The following PAFAH2 variants were observed in gnomAD, a reference collection of about 807,000 sequenced individuals.
PAFAH2 encodes platelet activating factor acetylhydrolase 2, also known as platelet-activating factor acetylhydrolase 2, cytoplasmic.
PAFAH2 carries 42 observed loss-of-function variants against 49.0 expected under a neutral mutation model. The ratio of observed to expected loss-of-function variants is 0.86; its 90% CI spans 0.67 to 1.11. PAFAH2 has a LOEUF of 1.11. Ranked by LOEUF, PAFAH2 falls within the 50% of genes least tolerant of loss-of-function variation. PAFAH2 has a pLI of 0.00. For missense variants in PAFAH2, 503 were observed against 501.8 expected (o/e 1.00, Z -0.02); for synonymous variants, 184 against 181.3 (o/e 1.01, Z -0.12).
intron 4 of PAFAH2, among the ~76,000 whole-genome samples, chr1:25,986,429 G>A (rs2049782297): frequency 1.3e-5 from 2 of 152,126 alleles, no homozygotes; most frequent in Admixed American, 6.5e-5. Flanking sequence ...TGTCTGGAGA[G>A]CTACACTGGG....
intron 7 of PAFAH2, among the ~76,000 whole-genome samples, chr1:25,979,827 C>T (rs567297768): frequency 1.5e-4 from 23 of 152,112 alleles, no homozygotes; most frequent in African/African-American, 4.8e-4. Flanking sequence ...GGTTTCGCCA[C>T]GTTGGCCAGG....
rs17163464 is a variant in PAFAH2, at chr1:25,996,819, T to C, written c.-48+1206A>G. On this transcript the variant is annotated intron_variant, in intron 1 of 10. Transcript: ENST00000374282. ...ATACTTCGTAAGTGAAAATATTGCC[T>C]AGGGCCTGGTGCATTTTCAGTGCTT... 2.0e-3 allele frequency among the ~76,000 whole-genome samples: 309 copies of C among 152,334 alleles called. 5 individuals carry two copies. In the East Asian group the frequency reaches 0.028, roughly 14 times the overall value.
chr1:25,983,046 C>T (rs896242755), intron 6 of PAFAH2, among the ~76,000 whole-genome samples: 1 of 152,118 alleles, frequency 6.6e-6, no homozygotes, highest in Non-Finnish European at 1.5e-5. Flanking sequence ...AAACACAGTC[C>T]TATTCTCATA....
At chr1:25,987,250 A>G (rs980510772) in intron 4 of PAFAH2, among the ~76,000 whole-genome samples, 1 of 140,620 alleles carries the variant, frequency 7.1e-6, no homozygotes, top group African/African-American at 2.7e-5. Flanking sequence ...AATAAAATAA[A>G]ATAAAATAAA....
chr1:25,967,047 A>G (rs2049436408), intron 10 of PAFAH2, among the ~76,000 whole-genome samples: 1 of 151,346 alleles, frequency 6.6e-6, no homozygotes, highest in Non-Finnish European at 1.5e-5. Flanking sequence ...AAAAAAAAAA[A>G]AAAGACTGTG....
intron 10 of PAFAH2, among the ~76,000 whole-genome samples, chr1:25,964,533 CTG>C (rs1040227197): frequency 3.9e-5 from 6 of 152,130 alleles, no homozygotes; most frequent in African/African-American, 7.2e-5. Flanking sequence ...AAGTGAGACA[CTG>C]TCTCTATAAA....
intron 8 of PAFAH2, among the ~76,000 whole-genome samples, chr1:25,975,779 T>C (rs2049579313): frequency 6.6e-6 from 1 of 152,206 alleles, no homozygotes; most frequent in Admixed American, 6.5e-5. Flanking sequence ...TTCAGTCTTG[T>C]CCTGCTACAA....
At chr1:25,996,440 C>A (rs2049937864) in intron 1 of PAFAH2, among the ~76,000 whole-genome samples, 1 of 151,880 alleles carries the variant, frequency 6.6e-6, no homozygotes, top group South Asian at 2.1e-4. Context: ...GAGATCGAGA[C>A]CATCCTGGCT....
intron 7 of PAFAH2, among the ~76,000 whole-genome samples, chr1:25,978,152 C>CT (rs1458524777): frequency 6.6e-6 from 1 of 152,134 alleles, no homozygotes; most frequent in Admixed American, 6.5e-5. Flanking sequence ...AATCCTCCCC[C>CT]TTCACTCAGT....
At chr1:25,975,967 T>C (rs998925367) in intron 8 of PAFAH2, among the ~76,000 whole-genome samples, 4 of 151,914 alleles carry the variant, frequency 2.6e-5, no homozygotes, top group Non-Finnish European at 5.9e-5. Context: ...TTAAATTGCC[T>C]CCCCCTCACT....
At chr1:25,994,033 C>A (rs2049907617) in intron 1 of PAFAH2, among the ~76,000 whole-genome samples, 1 of 152,048 alleles carries the variant, frequency 6.6e-6, no homozygotes, top group African/African-American at 2.4e-5. Flanking sequence ...GAGGAGCAGT[C>A]CCTCAAGTGC....
At chr1:25,990,070 T>G (rs956049636) in intron 2 of PAFAH2, among the ~76,000 whole-genome samples, 6 of 151,988 alleles carry the variant, frequency 3.9e-5, no homozygotes, top group African/African-American at 1.5e-4. Flanking sequence ...TGTGTGCCTC[T>G]CAAGGGAGAC....
chr1:25,997,864 G>A (rs2049957984), intron 1 of PAFAH2, among the ~76,000 whole-genome samples, 161 bp downstream of exon 1: 1 of 152,180 alleles, frequency 6.6e-6, no homozygotes, highest in African/African-American at 2.4e-5. Flanking sequence ...GGAGGGTCAA[G>A]GGAGCGGGTG....
chr1:25,972,620 TCC>T lies in PAFAH2; in HGVS notation c.1020_1021del (p.Asp341ProfsTer3). The T allele has an allele frequency of 2.5e-6, 4 of 1,613,806 alleles. No individual in the cohort carries two copies. Among genetic ancestry groups the T allele is most frequent in the Non-Finnish European group, 3.4e-6 (4 of 1,179,848 alleles). On this transcript the variant is annotated frameshift_variant, in exon 10 of 11. Coordinates refer to ENST00000374282, the MANE Select transcript of PAFAH2 (RefSeq NM_000437.4). LOFTEE classifies it high-confidence loss of function. ...CATAACCTCCTGCCCTTCATAGGGG[TCC>T]AGGCTCCCACGGGTTTCAGTGGAGA...
chr1:25,992,716 G>T (rs1329722715), intron 1 of PAFAH2, among the ~76,000 whole-genome samples: 1 of 152,222 alleles, frequency 6.6e-6, no homozygotes, highest in African/African-American at 2.4e-5. Flanking sequence ...GTTGTAACAT[G>T]AGAATGTCAA....
In PAFAH2 at chr1:25,986,498, A is replaced by G. The variant is rs1231151767; in HGVS notation, c.341+1733T>C. On this transcript the variant is annotated intron_variant, in intron 4 of 10. Coordinates refer to ENST00000374282, the MANE Select transcript of PAFAH2 (RefSeq NM_000437.4). ...CTTGGACCTGCATTGAGGTAAGACC[A>G]TGAAAAGAACTGAATTAGGTTCAAA... 5.3e-5 allele frequency among the ~76,000 whole-genome samples: 8 copies of G among 152,218 alleles called. 1 individual carries two copies. Among genetic ancestry groups the G allele is most frequent in the African/African-American group, 2.4e-5 (1 of 41,454 alleles).
At chr1:25,996,879 C>A (rs3008423) in intron 1 of PAFAH2, among the ~76,000 whole-genome samples, 33,243 of 152,200 alleles carry the variant, frequency 0.22, 3,892 homozygotes, top group African/African-American at 0.29. Context: ...AATGCTATGT[C>A]TCTCTTTCCT....
At chr1:25,984,394 T>A in intron 5 of PAFAH2, 66 bp downstream of exon 5, 1 of 1,180,764 alleles carries the variant, frequency 8.5e-7, no homozygotes, top group African/African-American at 1.5e-5. Flanking sequence ...AATAGTACAT[T>A]GATAGGGGAC....
At chr1:25,984,578 C>A (rs139975768) in intron 4 of PAFAH2, 50 bp from the exon 5 acceptor site, 27 of 1,423,050 alleles carry the variant, frequency 1.9e-5, no homozygotes, top group South Asian at 2.3e-5. Context: ...AACAGCCCAG[C>A]CTTCACCCTC....
Sources: allele counts gnomAD v4.1 joint callset (sites outside exome capture counted in the v4.1 genomes callset), GRCh38; gene constraint gnomAD v4.1.1; transcripts MANE v1.5; gene names NCBI Gene and HGNC (gene_info 2026-07-23, HGNC 2026-07-21).